The following LSAMP variants were observed in gnomAD, a reference collection of about 807,000 sequenced individuals.
LSAMP encodes the protein limbic system-associated membrane protein.
Under a neutral mutation model 38.6 loss-of-function variants are expected in LSAMP, and 7 were observed. The observed-to-expected ratio is 0.18, with a 90% CI of 0.10 to 0.34. The LOEUF (loss-of-function observed/expected upper bound fraction) is 0.34, where lower values mean the gene tolerates loss of function less well. Ranked by LOEUF, LSAMP falls within the 10% of genes least tolerant of loss-of-function variation. The probability of loss-of-function intolerance (pLI) is 1.00; values close to 1 mark genes in which losing one functional copy is unlikely to be tolerated. For missense variants in LSAMP, 313 were observed against 420.0 expected, an observed-to-expected ratio of 0.75 and a Z score of 2.23; for synonymous variants, 154 against 166.8, an observed-to-expected ratio of 0.92 and a Z score of 0.59.
intron 2 of LSAMP, among the ~76,000 whole-genome samples, chr3:116,039,772 G>C (rs1042798977): frequency 4.6e-5 from 7 of 152,208 alleles, no homozygotes; most frequent in African/African-American, 1.7e-4. Context: ...TGCTGCGTGA[G>C]AGAGATAAAA....
intron 1 of LSAMP, among the ~76,000 whole-genome samples, chr3:116,357,615 T>C (rs1253946440): frequency 6.6e-6 from 1 of 152,112 alleles, no homozygotes; most frequent in African/African-American, 2.4e-5. Context: ...ATAAAAAAAG[T>C]TCAAATACAG....
intron 1 of LSAMP, among the ~76,000 whole-genome samples, chr3:116,413,142 T>C (rs544646506): frequency 2.4e-4 from 36 of 152,176 alleles, no homozygotes; most frequent in African/African-American, 7.9e-4. Context: ...TATAATGATA[T>C]CAGCAACCCT....
intron 2 of LSAMP, among the ~76,000 whole-genome samples, chr3:116,034,857 G>A (rs900914892): frequency 9.2e-5 from 14 of 152,100 alleles, no homozygotes; most frequent in African/African-American, 3.1e-4. Context: ...TAAGGTTTAA[G>A]CCTCAAAGAA....
chr3:116,013,404 G>C (rs1940387666), intron 3 of LSAMP, among the ~76,000 whole-genome samples: 1 of 152,114 alleles, frequency 6.6e-6, no homozygotes, highest in African/African-American at 2.4e-5. Context: ...AAAAGAATTT[G>C]TATTTACTTG....
intron 1 of LSAMP, among the ~76,000 whole-genome samples, chr3:116,152,944 C>G (rs560915202): frequency 3.3e-5 from 5 of 152,102 alleles, no homozygotes; most frequent in Middle Eastern, 3.4e-3. Context: ...AGAAGAGCTT[C>G]TGTGTATGGT....
At chr3:115,822,247 G>C (rs1934263989) in intron 6 of LSAMP, among the ~76,000 whole-genome samples, 1 of 151,852 alleles carries the variant, frequency 6.6e-6, no homozygotes. Flanking sequence ...ACTCATTCTG[G>C]GGCTAGTGAA....
chr3:116,229,724 C>T (rs941719561), intron 1 of LSAMP, among the ~76,000 whole-genome samples: 4 of 152,024 alleles, frequency 2.6e-5, no homozygotes, highest in Admixed American at 2.6e-4. Flanking sequence ...CAAAGAAGAT[C>T]AGAGATATGG....
chr3:115,973,165 T>C (rs1422526199), intron 3 of LSAMP, among the ~76,000 whole-genome samples: 1 of 152,136 alleles, frequency 6.6e-6, no homozygotes, highest in East Asian at 1.9e-4. Flanking sequence ...CAATGGGTAA[T>C]AAAAAGCGAT....
At chr3:116,344,719 C>A (rs1357768961) in intron 1 of LSAMP, among the ~76,000 whole-genome samples, 1 of 152,070 alleles carries the variant, frequency 6.6e-6, no homozygotes, top group East Asian at 1.9e-4. Flanking sequence ...TTAATCAATA[C>A]AACAACCCAA....
intron 4 of LSAMP, among the ~76,000 whole-genome samples, chr3:115,851,790 C>A (rs896209958): frequency 6.6e-6 from 1 of 152,150 alleles, no homozygotes; most frequent in African/African-American, 2.4e-5. Flanking sequence ...TAAACGAATT[C>A]TCTTTATTCC....
chr3:116,329,239 C>A (rs2047817069), intron 1 of LSAMP, among the ~76,000 whole-genome samples: 1 of 152,100 alleles, frequency 6.6e-6, no homozygotes, highest in Non-Finnish European at 1.5e-5. Context: ...TTTTATCTAC[C>A]TTTTATTGCA....
chr3:116,166,024 T>C (rs1423511321), intron 1 of LSAMP, among the ~76,000 whole-genome samples: 2 of 152,216 alleles, frequency 1.3e-5, no homozygotes, highest in African/African-American at 2.4e-5. Flanking sequence ...TTTGTTGCAA[T>C]AGAGAATGCT....
At chr3:116,301,052 G>GTATCT (rs1241702930) in intron 1 of LSAMP, among the ~76,000 whole-genome samples, 1 of 151,860 alleles carries the variant, frequency 6.6e-6, no homozygotes, top group Non-Finnish European at 1.5e-5. Flanking sequence ...AATATATTGA[G>GTATCT]TATCTTTTTC....
chr3:115,978,962 G>A (rs1374771149), intron 3 of LSAMP, among the ~76,000 whole-genome samples: 1 of 151,860 alleles, frequency 6.6e-6, no homozygotes, highest in Non-Finnish European at 1.5e-5. Flanking sequence ...GGCACTAAAG[G>A]AATAAGAAAT....
intron 1 of LSAMP, among the ~76,000 whole-genome samples, chr3:116,109,327 A>C (rs62269170): frequency 0.16 from 24,803 of 151,978 alleles, 2,109 homozygotes; most frequent in Non-Finnish European, 0.19. Flanking sequence ...GGAGGAGCAG[A>C]GGCTGAGGAA....
intron 3 of LSAMP, among the ~76,000 whole-genome samples, chr3:115,900,365 A>G (rs2724467): frequency 0.048 from 7,228 of 151,992 alleles, 551 homozygotes; most frequent in African/African-American, 0.16. Flanking sequence ...AAATACAAAT[A>G]TTAGCTGGGT....
intron 1 of LSAMP, among the ~76,000 whole-genome samples, chr3:116,426,296 G>A (rs1235407935): frequency 6.6e-6 from 1 of 152,112 alleles, no homozygotes; most frequent in African/African-American, 2.4e-5. Context: ...AGACCAGTCT[G>A]GCCAATATGG....
intron 1 of LSAMP, among the ~76,000 whole-genome samples, chr3:116,407,207 C>T (rs948328110): frequency 1.3e-5 from 2 of 151,992 alleles, no homozygotes; most frequent in Non-Finnish European, 1.5e-5. Flanking sequence ...ATCTACTTGT[C>T]TATACCCTAT....
chr3:115,938,277 C>T (rs1223631148), intron 3 of LSAMP, among the ~76,000 whole-genome samples: 2 of 152,116 alleles, frequency 1.3e-5, no homozygotes, highest in Non-Finnish European at 2.9e-5. Context: ...GATTCTAAAT[C>T]ACAAAATAAA....
Sources: gnomAD v4.1 joint callset for allele counts (sites outside exome capture counted in the v4.1 genomes callset) on GRCh38, gnomAD v4.1.1 for gene constraint, MANE v1.5 for transcripts, NCBI Gene and HGNC (gene_info 2026-07-23, HGNC 2026-07-21) for gene names.